INPP5D: variants seen among roughly 807,000 people sequenced by gnomAD.
The protein encoded by INPP5D is phosphatidylinositol 3,4,5-trisphosphate 5-phosphatase 1.
INPP5D carries 33 observed loss-of-function variants against 122.9 expected under a neutral mutation model. The observed-to-expected ratio is 0.27, with a 90% confidence interval of 0.20 to 0.36. The LOEUF is 0.36. Ranked by LOEUF, INPP5D falls within the 10% of genes least tolerant of loss-of-function variation. INPP5D has a pLI of 1.00. For missense variants in INPP5D, 1,053 were observed against 1,412.7 expected (o/e 0.75, Z 4.08); for synonymous variants, 584 against 576.2 (o/e 1.01, Z -0.19).
At chr2:233,089,293 G>A (rs766034975) in intron 2 of INPP5D, among the ~76,000 whole-genome samples, 4 of 152,206 alleles carry the variant, frequency 2.6e-5, no homozygotes, top group African/African-American at 7.2e-5. Flanking sequence ...CACTTCATCC[G>A]TGTTCTTTAA....
intron 9 of INPP5D, among the ~76,000 whole-genome samples, chr2:233,154,965 A>C (rs143436458): frequency 0.51 from 77,805 of 152,048 alleles, 20,600 homozygotes; most frequent in East Asian, 0.66. Context: ...CGGAGGCCTG[A>C]ATTAGTGAGA....
At chr2:233,089,801 A>G (rs1340052468) in intron 2 of INPP5D, among the ~76,000 whole-genome samples, 1 of 152,246 alleles carries the variant, frequency 6.6e-6, no homozygotes, top group Non-Finnish European at 1.5e-5. Context: ...TCTAGAGACC[A>G]ATGACAAGCA....
chr2:233,102,397 C>T (rs1010076759), intron 2 of INPP5D, among the ~76,000 whole-genome samples: 7 of 152,324 alleles, frequency 4.6e-5, no homozygotes, highest in Admixed American at 2.0e-4. Flanking sequence ...TCCCACACCT[C>T]GCCTGCTTCA....
At chr2:233,140,085 C>A (rs1395146534) in intron 6 of INPP5D, 156 bp downstream of exon 6, 2 of 387,916 alleles carry the variant, frequency 5.2e-6, no homozygotes, top group East Asian at 3.6e-5. Flanking sequence ...GGGTGGGAGC[C>A]TCAGCCCCTG....
intron 17 of INPP5D, among the ~76,000 whole-genome samples, chr2:233,175,420 T>C (rs1694594914): frequency 6.6e-6 from 1 of 152,102 alleles, no homozygotes; most frequent in African/African-American, 2.4e-5. Flanking sequence ...TATACGTTCA[T>C]ATAAATTAAT....
intron 1 of INPP5D, among the ~76,000 whole-genome samples, chr2:233,063,436 A>C (rs1199266919): frequency 6.6e-6 from 1 of 152,232 alleles, no homozygotes; most frequent in Non-Finnish European, 1.5e-5. Context: ...AGTCTCAGGA[A>C]CTGAGAGCAG....
intron 9 of INPP5D, among the ~76,000 whole-genome samples, chr2:233,150,591 A>G (rs1693896878): frequency 1.3e-5 from 2 of 152,172 alleles, no homozygotes; most frequent in South Asian, 4.1e-4. Context: ...TTACTAAAAA[A>G]CTTAAGATTG....
chr2:233,179,816 C>G (rs375070021), intron 18 of INPP5D, among the ~76,000 whole-genome samples: 1 of 152,202 alleles, frequency 6.6e-6, no homozygotes, highest in East Asian at 1.9e-4. Context: ...ACCTGGGAGC[C>G]TCAGTCTTCT....
Position 233,160,835 on chromosome 2 carries a change from A to G in INPP5D, c.1138-889A>G, listed in dbSNP as rs1484530446. Among the ~76,000 whole-genome samples, 3 of 152,120 alleles carry G rather than the reference A, an allele frequency of 2.0e-5. No homozygotes were observed. Among genetic ancestry groups the G allele is most frequent in the South Asian group, 2.1e-4 (1 of 4,826 alleles). ...TTTTTTGTAGAGGCAGGGTTCCCCTATGTTGCCCAGGCTGGTCTCAAACTC... is the reference window on the plus strand; with the variant it reads ...TTTTTTGTAGAGGCAGGGTTCCCCTGTGTTGCCCAGGCTGGTCTCAAACTC... On this transcript the variant is annotated intron_variant, in intron 10 of 26. Transcript: ENST00000445964. This position sits in a 1 kb window ranked among gnomAD's most constrained non-coding sequence, Gnocchi z 4.2.
intron 6 of INPP5D, among the ~76,000 whole-genome samples, chr2:233,142,040 AG>A (rs1693642848): frequency 6.6e-6 from 1 of 152,270 alleles, no homozygotes; most frequent in Non-Finnish European, 1.5e-5. Context: ...CTTGAACTTA[AG>A]TAGTTTGAGT....
chr2:233,107,083 A>T (rs143764902), intron 2 of INPP5D, among the ~76,000 whole-genome samples: 1 of 152,208 alleles, frequency 6.6e-6, no homozygotes, highest in Non-Finnish European at 1.5e-5. Flanking sequence ...GATGATCTCA[A>T]CATCCCAGTG....
At chr2:233,091,148 C>T (rs11678263) in intron 2 of INPP5D, among the ~76,000 whole-genome samples, 11,031 of 152,170 alleles carry the variant, frequency 0.072, 467 homozygotes, top group Non-Finnish European at 0.095. Flanking sequence ...CTTGGGACTC[C>T]GTCCCTCAGG....
intron 2 of INPP5D, among the ~76,000 whole-genome samples, chr2:233,113,007 A>T (rs887265048): frequency 2.6e-5 from 4 of 152,050 alleles, no homozygotes; most frequent in Non-Finnish European, 5.9e-5. Context: ...GACACTTCCC[A>T]TTCCAATCCA....
At position 233,177,409 on chromosome 2, in the gene INPP5D, G is replaced by T; in HGVS notation, c.2071+63G>T. 1 of 1,611,472 alleles carries T rather than the reference G, an allele frequency of 6.2e-7. No individual in the cohort carries two copies. The highest frequency in any genetic ancestry group is 1.1e-5 in the South Asian group (1 of 90,876). Reference sequence around the variant, plus strand: ...AGAATGGCACCAAGCTGGGAGGTGTGACTGCCCTAAAATCTAAGGGCTTCA... The same window carrying T: ...AGAATGGCACCAAGCTGGGAGGTGTTACTGCCCTAAAATCTAAGGGCTTCA... On this transcript the variant is annotated intron_variant, in intron 18 of 26. Coordinates refer to ENST00000445964, the MANE Select transcript of INPP5D (RefSeq NM_001017915.3). The surrounding 1 kb of genome is among the most constrained non-coding windows in gnomAD (Gnocchi z 4.2).
chr2:233,191,551 G>A (rs1574799884), intron 22 of INPP5D, among the ~76,000 whole-genome samples: 1 of 152,216 alleles, frequency 6.6e-6, no homozygotes, highest in East Asian at 1.9e-4. Context: ...CCAGAATGCT[G>A]TTGTGCTGGG....
chr2:233,186,492 C>A (rs71421689), intron 21 of INPP5D, among the ~76,000 whole-genome samples: 1 of 151,972 alleles, frequency 6.6e-6, no homozygotes, highest in South Asian at 2.1e-4. Context: ...GGAACACATT[C>A]TTCTTTGCTA....
chr2:233,149,483 C>A, intron 9 of INPP5D, among the ~76,000 whole-genome samples: 1 of 152,120 alleles, frequency 6.6e-6, no homozygotes, highest in East Asian at 1.9e-4. Context: ...TCAGAGTCCT[C>A]TCTGTCCCTG....
chr2:233,121,038 C>G (rs1331646384), intron 2 of INPP5D, among the ~76,000 whole-genome samples: 1 of 151,422 alleles, frequency 6.6e-6, no homozygotes, highest in Non-Finnish European at 1.5e-5. Flanking sequence ...CTCACAAATT[C>G]TAGAAAAACA....
At chr2:233,146,942 C>G (rs530851917) in intron 8 of INPP5D, among the ~76,000 whole-genome samples, 6 of 152,276 alleles carry the variant, frequency 3.9e-5, no homozygotes, top group Admixed American at 1.3e-4. Flanking sequence ...ACCCGCACCC[C>G]CTCCGCCACA....
Sources: gnomAD v4.1 joint callset for allele counts (sites outside exome capture counted in the v4.1 genomes callset) on GRCh38, gnomAD v4.1.1 for gene constraint, Gnocchi (gnomAD v3.1) non-coding constraint, MANE v1.5 for transcripts, NCBI Gene and HGNC (gene_info 2026-07-23, HGNC 2026-07-21) for gene names.